MACROD2: variants seen among roughly 807,000 people sequenced by gnomAD.
MACROD2 encodes the protein ADP-ribose glycohydrolase MACROD2.
In MACROD2, 36 loss-of-function variants were observed where a neutral mutation model predicts 70.4. The observed-to-expected ratio is 0.51, with a 90% CI of 0.39 to 0.68. MACROD2 has a LOEUF of 0.68. Ranked by LOEUF, MACROD2 falls within the 30% of genes least tolerant of loss-of-function variation. The probability of loss-of-function intolerance (pLI) is 0.00; values close to 1 mark genes in which losing one functional copy is unlikely to be tolerated. For missense variants in MACROD2, 496 were observed against 538.4 expected (o/e 0.92, Z 0.78); for synonymous variants, 172 against 178.8 (o/e 0.96, Z 0.30).
At chr20:14,504,962 G>A (rs1161360568) in intron 4 of MACROD2, among the ~76,000 whole-genome samples, 2 of 151,958 alleles carry the variant, frequency 1.3e-5, no homozygotes, top group Non-Finnish European at 2.9e-5. Context: ...TAAAAATGTT[G>A]CATAAATATA....
At chr20:14,507,181 G>T (rs1211488876) in intron 4 of MACROD2, among the ~76,000 whole-genome samples, 1 of 152,026 alleles carries the variant, frequency 6.6e-6, no homozygotes, top group African/African-American at 2.4e-5. Flanking sequence ...GATGGAAAAA[G>T]TTCTGGAGAT....
chr20:15,489,697 C>T (rs2047203728), intron 7 of MACROD2, among the ~76,000 whole-genome samples: 1 of 152,152 alleles, frequency 6.6e-6, no homozygotes, highest in South Asian at 2.1e-4. Flanking sequence ...AATCTGATTT[C>T]CTTTCTTTGG....
At chr20:14,458,897 C>G (rs2084334713) in intron 3 of MACROD2, among the ~76,000 whole-genome samples, 1 of 152,030 alleles carries the variant, frequency 6.6e-6, no homozygotes, top group African/African-American at 2.4e-5. Flanking sequence ...TTTTGTTTTA[C>G]TGTATGTTCT....
intron 5 of MACROD2, among the ~76,000 whole-genome samples, chr20:15,218,015 A>G (rs942282871): frequency 2.6e-5 from 4 of 152,206 alleles, no homozygotes; most frequent in African/African-American, 9.7e-5. Context: ...CAGGCCCAAA[A>G]TAGGCAAAGA....
At chr20:15,601,766 C>T (rs973125715) in intron 8 of MACROD2, among the ~76,000 whole-genome samples, 2 of 152,170 alleles carry the variant, frequency 1.3e-5, no homozygotes, top group African/African-American at 2.4e-5. Context: ...TGGTGGCTCA[C>T]GCCTGTAATC....
At chr20:15,847,499 T>G (rs983696298) in intron 8 of MACROD2, among the ~76,000 whole-genome samples, 4 of 152,212 alleles carry the variant, frequency 2.6e-5, no homozygotes, top group Non-Finnish European at 5.9e-5. Context: ...TTGACTGGCC[T>G]TAAATTTTGA....
intron 3 of MACROD2, among the ~76,000 whole-genome samples, chr20:14,398,726 A>G (rs2083606193): frequency 6.6e-6 from 1 of 151,976 alleles, no homozygotes. Context: ...TCTCTTTACT[A>G]TGTTGATTGT....
At chr20:15,059,124 G>A (rs985641855) in intron 5 of MACROD2, among the ~76,000 whole-genome samples, 5 of 152,186 alleles carry the variant, frequency 3.3e-5, no homozygotes, top group South Asian at 2.1e-4. Context: ...TGGGCCAGAC[G>A]CAGTGGCTCA....
At chr20:15,900,294 C>T (rs1463383378) in intron 10 of MACROD2, among the ~76,000 whole-genome samples, 1 of 152,130 alleles carries the variant, frequency 6.6e-6, no homozygotes, top group East Asian at 1.9e-4. Flanking sequence ...TTTGTTTTAT[C>T]CTCTAGACTT....
chr20:15,597,272 A>G (rs1469602667), intron 8 of MACROD2, among the ~76,000 whole-genome samples: 1 of 152,204 alleles, frequency 6.6e-6, no homozygotes, highest in African/African-American at 2.4e-5. Context: ...AAGTTAGGGA[A>G]TATATTGGCC....
At chr20:15,048,678 TG>T (rs2075415057) in intron 5 of MACROD2, among the ~76,000 whole-genome samples, 2 of 152,072 alleles carry the variant, frequency 1.3e-5, no homozygotes, top group South Asian at 4.1e-4. Flanking sequence ...TATTTTTAAG[TG>T]GTATTCATTT....
At chr20:15,747,448 C>A (rs1307306850) in intron 8 of MACROD2, among the ~76,000 whole-genome samples, 1 of 152,076 alleles carries the variant, frequency 6.6e-6, no homozygotes, top group African/African-American at 2.4e-5. Flanking sequence ...TATCGAGAGT[C>A]CTTAGTGATG....
chr20:15,027,143 A>G (rs1034487567), intron 5 of MACROD2, among the ~76,000 whole-genome samples: 21 of 152,186 alleles, frequency 1.4e-4, no homozygotes, highest in Non-Finnish European at 2.6e-4. Flanking sequence ...GAACACAGAC[A>G]CATTCAGGAG....
At chr20:14,565,150 C>A in intron 4 of MACROD2, among the ~76,000 whole-genome samples, 1 of 151,824 alleles carries the variant, frequency 6.6e-6, no homozygotes, top group South Asian at 2.1e-4. Context: ...CATGGACATG[C>A]AGAGTGGAAT....
chr20:15,948,119 C>A (rs1024924418), intron 12 of MACROD2, among the ~76,000 whole-genome samples: 2 of 152,018 alleles, frequency 1.3e-5, no homozygotes, highest in South Asian at 4.2e-4. Context: ...GACTAAGAAT[C>A]CCTAAGCCTA....
intron 2 of MACROD2, among the ~76,000 whole-genome samples, chr20:14,050,093 A>C (rs1314632553): frequency 6.6e-6 from 1 of 151,978 alleles, no homozygotes; most frequent in East Asian, 1.9e-4. Flanking sequence ...ATCTCAAAAA[A>C]AAAAAAAAAA....
chr20:15,514,064 A>T (rs903875234), intron 8 of MACROD2, among the ~76,000 whole-genome samples: 2 of 152,210 alleles, frequency 1.3e-5, no homozygotes, highest in African/African-American at 4.8e-5. Flanking sequence ...AGATAAAGAA[A>T]GAAAATATTT....
At chr20:14,009,672 A>G (rs1433633129) in intron 2 of MACROD2, among the ~76,000 whole-genome samples, 2 of 152,216 alleles carry the variant, frequency 1.3e-5, no homozygotes, top group Non-Finnish European at 2.9e-5. Context: ...AAGAAGGCGT[A>G]TGTTCATTAC....
chr20:15,462,635 G>A (rs1045992412), intron 7 of MACROD2, among the ~76,000 whole-genome samples: 7 of 152,250 alleles, frequency 4.6e-5, no homozygotes, highest in African/African-American at 1.7e-4. Flanking sequence ...ATTTTGTTTT[G>A]TTGACACCTT....
Sources: allele counts gnomAD v4.1 joint callset (sites outside exome capture counted in the v4.1 genomes callset), GRCh38; gene constraint gnomAD v4.1.1; transcripts MANE v1.5; gene names NCBI Gene and HGNC (gene_info 2026-07-23, HGNC 2026-07-21).